Variants in HUWE1 observed in about 807,000 individuals in gnomAD.
The protein encoded by HUWE1 is HECT, UBA and WWE domain containing E3 ubiquitin protein ligase 1.
A neutral mutation model predicts 299.4 loss-of-function variants in HUWE1; 18 were observed. The ratio of observed to expected loss-of-function variants is 0.06; its 90% CI spans 0.04 to 0.09. HUWE1 has a LOEUF of 0.09. HUWE1 is among the 10% of genes least tolerant of loss of function. HUWE1 has a pLI of 1.00. For synonymous variants in HUWE1, 1,317 were observed against 1,286.1 expected, an observed-to-expected ratio of 1.02 and a Z score of -0.51; for missense variants, 1,832 against 3,462.3, an observed-to-expected ratio of 0.53 and a Z score of 11.82.
intron 76 of HUWE1, 107 bp downstream of exon 76, chrX:53,538,716 ACACACACACTCT>A: frequency 1.5e-6 from 1 of 687,489 alleles, no homozygotes; most frequent in Non-Finnish European, 2.2e-6. Context: ...ACACACACAC[ACACACACACTCT>A]CTCTCTCTCT....
chrX:53,615,998 G>T (rs1189316969), intron 21 of HUWE1, among the ~76,000 whole-genome samples, 163 bp from the exon 22 acceptor site: 1 of 110,897 alleles, frequency 9.0e-6, no homozygotes, highest in Admixed American at 9.6e-5. Context: ...GCAGTGTCAC[G>T]ATCTCCTGGA....
intron 3 of HUWE1, among the ~76,000 whole-genome samples, chrX:53,669,590 T>C (rs2069416968): frequency 8.9e-6 from 1 of 112,505 alleles, no homozygotes; most frequent in African/African-American, 3.2e-5. Flanking sequence ...ACATGAACAA[T>C]CTGAATTATT....
chrX:53,662,162 TGAG>T (rs1180489158), intron 3 of HUWE1, among the ~76,000 whole-genome samples: 4 of 110,353 alleles, frequency 3.6e-5, no homozygotes, highest in African/African-American at 1.3e-4. Context: ...CACCTAGATA[TGAG>T]GAGTCAGAAC....
At chrX:53,551,732 T>TA (rs2061772905) in intron 63 of HUWE1, among the ~76,000 whole-genome samples, 1 of 111,847 alleles carries the variant, frequency 8.9e-6, no homozygotes, top group South Asian at 3.8e-4. Flanking sequence ...AGGCTGGTCT[T>TA]AAACTCTTGG....
chrX:53,577,500 TCTCCCTCTCCCTCTCCCTCTCC>T (rs1324154872), intron 43 of HUWE1, among the ~76,000 whole-genome samples: 23 of 65,733 alleles, frequency 3.5e-4, no homozygotes, highest in Non-Finnish European at 6.1e-4. Flanking sequence ...CTCTCCCTCC[TCTCCCTCTCCCTCTCCCTCTCC>T]CTCCCTCTCC....
At chrX:53,537,489 G>A (rs782693590) in intron 78 of HUWE1, 67 bp downstream of exon 78, 5 of 1,116,069 alleles carry the variant, frequency 4.5e-6, no homozygotes, top group Non-Finnish European at 6.1e-6. Flanking sequence ...GCTAGAGCAA[G>A]CCATCGCTAC....
Position 53,548,989 on chromosome X carries a change from G to T in HUWE1, c.10005C>A (p.His3335Gln). Residue 3335 changes from histidine (H) to glutamine (Q), a missense_variant, in exon 67 of 84, where the codon CAC (histidine) becomes CAA (glutamine). This residue lies in a region of HUWE1 where 80 missense variants were observed against 142.1 expected (regional missense o/e 0.56). Coordinates refer to ENST00000262854, the MANE Select transcript of HUWE1 (RefSeq NM_031407.7). ...CCAATTGAATGAGTGTATCCAAAAC[G>T]TGTCTGCAGACAACAGGAGCAGCTT... ...HPQAAPVVCR[H>Q]VLDTLIQLAK... The T allele has an allele frequency of 8.3e-7, 1 of 1,205,343 alleles. No homozygotes were observed.
chrX:53,547,527 T>C, intron 68 of HUWE1, 146 bp downstream of exon 68: 9 of 905,841 alleles, frequency 9.9e-6, no homozygotes, highest in Non-Finnish European at 1.4e-5. Context: ...CTGGGACAGA[T>C]GAGGGTGAGA....
In HUWE1 at chrX:53,573,903, C is replaced by T; in HGVS notation, c.6159G>A (p.Glu2053=). ...KKDKEGDRAS[E]EGKQKGKGSK... ...TGCCCTTGCCTTTCTGTTTGCCTTC[C>T]TCAGAGGCCCGGTCCCCTTCTTTAT... is the stretch of plus-strand genomic sequence containing the variant. The change falls in exon 47 of 84, where the codon GAG becomes GAA. Residue 2053 remains glutamate (E), a synonymous_variant. Coordinates refer to ENST00000262854, the MANE Select transcript of HUWE1 (RefSeq NM_031407.7). The T allele has an allele frequency of 8.3e-7, 1 of 1,211,407 alleles. No individual in the cohort carries two copies. Among genetic ancestry groups the T allele is most frequent in the African/African-American group, 1.7e-5 (1 of 57,770 alleles).
chrX:53,649,904 A>G (rs1326091536), intron 4 of HUWE1, among the ~76,000 whole-genome samples: 15 of 112,447 alleles, frequency 1.3e-4, no homozygotes, highest in African/African-American at 4.5e-4. Flanking sequence ...AAGGCCCAGT[A>G]GCAAGCCAGA....
rs2061621222 is a variant in HUWE1, at chrX:53,548,072, C to A, written c.10237G>T (p.Val3413Leu). Residue 3413 changes from valine (V) to leucine (L), a missense_variant, in exon 68 of 84, where the codon GTG (valine) becomes TTG (leucine). Physicochemically the swap from Val to Leu is conservative, Grantham distance 32 (BLOSUM62 1). Coordinates refer to ENST00000262854, the MANE Select transcript of HUWE1 (RefSeq NM_031407.7). ...GTTTCCCCCTCACCGCCAGCGCTCA[C>A]TGGCACTGACTTCACGGAGTTCTTG... Reference protein sequence around the residue: ...KGKNSVKSVPVSAGGEGETSP... With the variant: ...KGKNSVKSVPLSAGGEGETSP... 1 of 1,209,818 alleles carries A rather than the reference C, an allele frequency of 8.3e-7. No individual in the cohort carries two copies.
Position 53,547,879 on chromosome X carries a change from C to T in HUWE1, c.10430G>A (p.Gly3477Asp). ...AGTGGTGGTGGAGGAAGCACCGCTGCCAGAATTAGCCTGTGCTTCTGACAC... is the reference window on the plus strand; with the variant it reads ...AGTGGTGGTGGAGGAAGCACCGCTGTCAGAATTAGCCTGTGCTTCTGACAC... ...NKVSEAQANS[G>D]SGASSTTTAT... Residue 3477 changes from glycine (G) to aspartate (D), a missense_variant, in exon 68 of 84, where the codon GGC (glycine) becomes GAC (aspartate). By Grantham distance (94) the Gly-to-Asp change is moderately conservative. Coordinates refer to ENST00000262854, the MANE Select transcript of HUWE1 (RefSeq NM_031407.7). 2 of 1,208,139 alleles carry T rather than the reference C, an allele frequency of 1.7e-6. No homozygotes were observed. The highest frequency in any genetic ancestry group is 2.2e-6 in the Non-Finnish European group (2 of 893,775).
At chrX:53,582,214 A>C (rs1353622443) in intron 42 of HUWE1, among the ~76,000 whole-genome samples, 1 of 112,691 alleles carries the variant, frequency 8.9e-6, no homozygotes, top group African/African-American at 3.2e-5. Context: ...TTCTCCTAGC[A>C]CTTTGAACTT....
At chrX:53,544,987 TCCCAGATTCAAG>T (rs1305327939) in intron 71 of HUWE1, 30 bp downstream of exon 71, 2 of 1,189,445 alleles carry the variant, frequency 1.7e-6, no homozygotes, top group Non-Finnish European at 2.3e-6. Flanking sequence ...TTCCAGAATA[TCCCAGATTCAAG>T]CCCCCAGCCA....
chrX:53,635,136 T>C (rs1329939676), intron 7 of HUWE1, among the ~76,000 whole-genome samples: 3 of 110,729 alleles, frequency 2.7e-5, no homozygotes, highest in Non-Finnish European at 5.7e-5. Flanking sequence ...AATGAGATAT[T>C]ATTTGAAACA....
chrX:53,580,326 G>A (rs1464421416), intron 43 of HUWE1, among the ~76,000 whole-genome samples: 1 of 112,193 alleles, frequency 8.9e-6, no homozygotes, highest in African/African-American at 3.2e-5. Context: ...TATAAGAAAT[G>A]ATCCTGTATT....
chrX:53,543,106 T>TAA, intron 73 of HUWE1, among the ~76,000 whole-genome samples: 1 of 110,778 alleles, frequency 9.0e-6, no homozygotes, highest in African/African-American at 3.3e-5. Context: ...TCACTGCCCC[T>TAA]AAGTTCAAGG....
At chrX:53,685,834 C>T (rs908891276) in intron 2 of HUWE1, among the ~76,000 whole-genome samples, 1 of 111,975 alleles carries the variant, frequency 8.9e-6, no homozygotes, top group Non-Finnish European at 1.9e-5. Flanking sequence ...TACAGAAATA[C>T]TCATACATGG....
intron 3 of HUWE1, among the ~76,000 whole-genome samples, chrX:53,672,892 AT>A (rs1234613633): frequency 6.2e-5 from 7 of 112,039 alleles, no homozygotes; most frequent in Non-Finnish European, 9.4e-5. Flanking sequence ...TGTTAAGAGT[AT>A]TTTATCTGTG....
Sources: allele counts gnomAD v4.1 joint callset (sites outside exome capture counted in the v4.1 genomes callset), GRCh38; gene constraint gnomAD v4.1.1; regional missense constraint gnomAD v4.1.1; transcripts MANE v1.5; gene names NCBI Gene and HGNC (gene_info 2026-07-23, HGNC 2026-07-21).